DIP2B: variants seen among roughly 807,000 people sequenced by gnomAD.
DIP2B encodes disco-interacting protein 2 homolog B.
DIP2B carries 76 observed loss-of-function variants against 198.0 expected under a neutral mutation model. That is an observed-to-expected ratio of 0.38 (90% CI 0.32 to 0.46). The LOEUF is 0.46. DIP2B is among the 20% of genes least tolerant of loss of function. The pLI is 0.99. For synonymous variants in DIP2B, 701 were observed against 739.1 expected, an observed-to-expected ratio of 0.95 and a Z score of 0.84; for missense variants, 1,559 against 1,978.4, an observed-to-expected ratio of 0.79 and a Z score of 4.02.
intron 3 of DIP2B, among the ~76,000 whole-genome samples, chr12:50,652,308 G>T (rs1403143662): frequency 7.0e-6 from 1 of 143,650 alleles, no homozygotes; most frequent in South Asian, 2.2e-4. Flanking sequence ...GCGAGACTCT[G>T]CAAAAATATA....
At chr12:50,670,406 A>ATGTTTTT (rs973116358) in intron 4 of DIP2B, among the ~76,000 whole-genome samples, 12 of 151,782 alleles carry the variant, frequency 7.9e-5, no homozygotes, top group African/African-American at 2.7e-4. Context: ...TTTGGCACGT[A>ATGTTTTT]TGTTTTTTGT....
intron 1 of DIP2B, among the ~76,000 whole-genome samples, chr12:50,532,549 A>G (rs144817903): frequency 1.3e-5 from 2 of 152,248 alleles, no homozygotes; most frequent in East Asian, 1.9e-4. Context: ...AGAGTGTAAT[A>G]TATGTATCCT....
intron 4 of DIP2B, among the ~76,000 whole-genome samples, chr12:50,662,575 A>G (rs1415909720): frequency 2.0e-5 from 3 of 152,158 alleles, no homozygotes; most frequent in African/African-American, 7.2e-5. Context: ...AGAGCTACCA[A>G]TTGGCTGTTT....
intron 32 of DIP2B, 109 bp downstream of exon 32, chr12:50,732,645 ACTTG>A (rs2139599110): frequency 7.2e-7 from 1 of 1,379,494 alleles, no homozygotes; most frequent in Admixed American, 2.1e-5. Flanking sequence ...AGCCGCACTT[ACTTG>A]CTTTGGAACT....
At chr12:50,603,942 G>A (rs1417754530) in intron 1 of DIP2B, among the ~76,000 whole-genome samples, 1 of 152,010 alleles carries the variant, frequency 6.6e-6, no homozygotes, top group Non-Finnish European at 1.5e-5. Flanking sequence ...GAAAGCCATG[G>A]CCTGGTTCCA....
chr12:50,682,783 T>A (rs1038536276), intron 9 of DIP2B, among the ~76,000 whole-genome samples: 1 of 152,210 alleles, frequency 6.6e-6, no homozygotes, highest in African/African-American at 2.4e-5. Context: ...ACATTTATTT[T>A]ATTGCCTTAG....
intron 28 of DIP2B, among the ~76,000 whole-genome samples, chr12:50,726,889 G>A (rs1176276171): frequency 6.6e-6 from 1 of 152,100 alleles, no homozygotes; most frequent in Non-Finnish European, 1.5e-5. Context: ...GAGGCAGGAG[G>A]ATCACTTGGG....
At chr12:50,690,068 T>C (rs1405192117) in intron 12 of DIP2B, among the ~76,000 whole-genome samples, 2 of 152,106 alleles carry the variant, frequency 1.3e-5, no homozygotes, top group Admixed American at 6.6e-5. Flanking sequence ...CTTCTCATTA[T>C]TGACCTTGGG....
intron 1 of DIP2B, among the ~76,000 whole-genome samples, chr12:50,557,113 C>T (rs1337919495): frequency 6.6e-6 from 1 of 152,166 alleles, no homozygotes; most frequent in African/African-American, 2.4e-5. Flanking sequence ...TCCCAAAGTG[C>T]TGGGATTACA....
intron 1 of DIP2B, among the ~76,000 whole-genome samples, chr12:50,600,931 C>A (rs921451939): frequency 1.4e-5 from 2 of 144,904 alleles, no homozygotes; most frequent in Non-Finnish European, 3.0e-5. Context: ...CCACCACCAC[C>A]ACCACCACTA....
intron 2 of DIP2B, among the ~76,000 whole-genome samples, chr12:50,634,378 C>T (rs953554723): frequency 6.6e-6 from 1 of 152,180 alleles, no homozygotes; most frequent in African/African-American, 2.4e-5. Context: ...CTTTAAGATA[C>T]TTTGGATACA....
chr12:50,532,740 GT>G (rs1958229546), intron 1 of DIP2B, among the ~76,000 whole-genome samples: 1 of 152,134 alleles, frequency 6.6e-6, no homozygotes, highest in African/African-American at 2.4e-5. Context: ...GTAGGGTGTG[GT>G]TTGACCTGAG....
At chr12:50,527,011 C>T (rs191349548) in intron 1 of DIP2B, among the ~76,000 whole-genome samples, 10 of 152,264 alleles carry the variant, frequency 6.6e-5, no homozygotes, top group Admixed American at 3.9e-4. Context: ...GTGGGTTTTT[C>T]TGTAGACCAG....
At chr12:50,521,787 G>A (rs1408330958) in intron 1 of DIP2B, among the ~76,000 whole-genome samples, 1 of 151,788 alleles carries the variant, frequency 6.6e-6, no homozygotes, top group Admixed American at 6.6e-5. Context: ...TGGGATTACA[G>A]GTGTGAGTCA....
intron 1 of DIP2B, among the ~76,000 whole-genome samples, chr12:50,529,038 C>T (rs958360958): frequency 2.0e-5 from 3 of 152,124 alleles, no homozygotes; most frequent in Non-Finnish European, 4.4e-5. Context: ...CAAAACAAAA[C>T]AACTTTTAGT....
intron 11 of DIP2B, 144 bp downstream of exon 11, chr12:50,686,100 C>A (rs1939126005): frequency 1.1e-6 from 1 of 876,994 alleles, no homozygotes; most frequent in African/African-American, 1.7e-5. Flanking sequence ...CATTATTATC[C>A]CCATTTTACA....
chr12:50,517,239 A>AT (rs998839523), intron 1 of DIP2B, among the ~76,000 whole-genome samples: 241 of 147,836 alleles, frequency 1.6e-3, no homozygotes, highest in African/African-American at 4.6e-3. Flanking sequence ...TTTTAATTAG[A>AT]TTTTTTTTTT....
chr12:50,521,097 T>TG (rs1958113469), intron 1 of DIP2B, among the ~76,000 whole-genome samples: 2 of 24,362 alleles, frequency 8.2e-5, no homozygotes, highest in Non-Finnish European at 2.1e-4. Flanking sequence ...AGCAACAGTT[T>TG]TTTTTTTTTT....
chr12:50,516,148 A>G lies in DIP2B; in HGVS notation c.100+10908A>G, dbSNP rs868242769. ...AAACAGGCTCCCTCAAGCTTGTTTT[A>G]TAAGGGCACTAAGCCTGTTCATGAG... On this transcript the variant is annotated intron_variant, in intron 1 of 37. Coordinates refer to ENST00000301180, the MANE Select transcript of DIP2B (RefSeq NM_173602.3). 2.0e-5 allele frequency among the ~76,000 whole-genome samples: 3 copies of G among 152,122 alleles called. 1 individual carries two copies.
Sources: allele counts gnomAD v4.1 joint callset (sites outside exome capture counted in the v4.1 genomes callset), GRCh38; gene constraint gnomAD v4.1.1; transcripts MANE v1.5; gene names NCBI Gene and HGNC (gene_info 2026-07-23, HGNC 2026-07-21).